The following GSTA5 variants were observed in gnomAD, a reference collection of about 807,000 sequenced individuals.
GSTA5 encodes the protein glutathione S-transferase A5.
A neutral mutation model predicts 21.8 loss-of-function variants in GSTA5; 25 were observed. That is an observed-to-expected ratio of 1.14 (90% CI 0.83 to 1.60). GSTA5 has a LOEUF of 1.60. Ranked by LOEUF, GSTA5 falls within the 40% of genes most tolerant of loss-of-function variation. The pLI, the probability that GSTA5 is intolerant of heterozygous loss-of-function variation, is 0.00. For missense variants in GSTA5, 330 were observed against 259.2 expected, an observed-to-expected ratio of 1.27 and a Z score of -1.88; for synonymous variants, 102 against 89.5, an observed-to-expected ratio of 1.14 and a Z score of -0.78.
At chr6:52,836,841 GTTC>G (rs749675345) in intron 2 of GSTA5, among the ~76,000 whole-genome samples, 1 of 152,172 alleles carries the variant, frequency 6.6e-6, no homozygotes, top group Non-Finnish European at 1.5e-5. Flanking sequence ...GTTTCCTGTA[GTTC>G]TTCTTTTTCT....
At chr6:52,842,133 A>G (rs1445391094), upstream of GSTA5, among the ~76,000 whole-genome samples, 1 of 152,214 alleles carries the variant, frequency 6.6e-6, no homozygotes, top group Non-Finnish European at 1.5e-5. Context: ...CCCTTGCTCT[A>G]TCCCAGGCTG....
chr6:52,844,250 C>T (rs1178554598), upstream of GSTA5, among the ~76,000 whole-genome samples: 1 of 152,178 alleles, frequency 6.6e-6, no homozygotes, highest in Admixed American at 6.5e-5. Flanking sequence ...CATAATCTGG[C>T]TCTCTGCTCC....
In GSTA5 at chr6:52,831,715, A is replaced by G; in HGVS notation, c.*133T>C. The stretch of plus-strand genomic sequence containing the variant: ...AGTTGACAGATAAGAGTTATTTATT[A>G]TTTAATTAGCATGTAATTGGAAAGA... On this transcript the variant is annotated 3_prime_UTR_variant, in exon 6 of 6. Transcript: ENST00000370989. 2.8e-6 allele frequency: 3 copies of G among 1,056,412 alleles called. No homozygotes were observed. In the Middle Eastern group the frequency reaches 6.3e-4, roughly 221 times the overall value. The allele number at this position is 1,056,412 out of a possible 1,614,324, so 65.4% of individuals were successfully genotyped here.
chr6:52,833,070 C>G, intron 4 of GSTA5, 80 bp from the exon 5 acceptor site: 1 of 1,538,818 alleles, frequency 6.5e-7, no homozygotes, highest in South Asian at 1.1e-5. Flanking sequence ...CCTCTCCACC[C>G]TGACTTTTCC....
intron 1 of GSTA5, among the ~76,000 whole-genome samples, chr6:52,839,637 C>G (rs1764344963): frequency 3.9e-5 from 6 of 152,204 alleles, no homozygotes; most frequent in Admixed American, 2.0e-4. Flanking sequence ...CCCTTTTCTG[C>G]TGCCACCCGA....
exon 6 of GSTA5, chr6:52,831,948 T>C: frequency 1.2e-6 from 2 of 1,613,494 alleles, no homozygotes; most frequent in South Asian, 1.1e-5. Flanking sequence ...CGTGGGCAGG[T>C]TGCTGATTCT....
the GSTA5 span, chr6:52,846,001 G>A: frequency 1.9e-5 from 3 of 155,720 alleles, no homozygotes; most frequent in Non-Finnish European, 2.9e-5. Context: ...ATATTTTTCT[G>A]GGAGGCTAGA....
At chr6:52,836,503 A>G in intron 2 of GSTA5, 135 bp from the exon 3 acceptor site, 1 of 909,398 alleles carries the variant, frequency 1.1e-6, no homozygotes. Flanking sequence ...TTCACTTGAA[A>G]CAACTTTTTT....
chr6:52,845,164 T>A (rs1481770042), upstream of GSTA5, among the ~76,000 whole-genome samples: 2 of 152,170 alleles, frequency 1.3e-5, no homozygotes, highest in Non-Finnish European at 2.9e-5. Flanking sequence ...CAGAGGTTAA[T>A]GATATTCACT....
At position 52,836,313 on chromosome 6, in the gene GSTA5, CA is replaced by C. The variant is rs761740266; in HGVS notation, c.194del (p.Leu65ArgfsTer22). ...AGTTAAGAATGGCTCTGGTCTGCAC[CA>C]GCTTCATCCCGTCAATCTCAACCAT... On this transcript the variant is annotated frameshift_variant, in exon 3 of 6. Coordinates refer to ENST00000370989, the Ensembl canonical transcript of GSTA5. LOFTEE classifies it high-confidence loss of function. The C allele has an allele frequency of 9.4e-5, 152 of 1,613,452 alleles. 1 individual carries two copies. Among genetic ancestry groups the C allele is most frequent in the South Asian group, 2.5e-4 (23 of 91,048 alleles).
chr6:52,837,508 G>C (rs1313986765), intron 2 of GSTA5, 50 bp downstream of exon 2: 5 of 1,233,256 alleles, frequency 4.1e-6, no homozygotes, highest in South Asian at 1.2e-5. Context: ...ACGTTCCTCT[G>C]TACCTTCTAC....
At chr6:52,839,192 G>A (rs1238739822) in intron 1 of GSTA5, among the ~76,000 whole-genome samples, 1 of 152,166 alleles carries the variant, frequency 6.6e-6, no homozygotes, top group Non-Finnish European at 1.5e-5. Flanking sequence ...TGTGAGGACT[G>A]GGTTGTGATC....
chr6:52,831,726 A>G, exon 6 of GSTA5: 1 of 1,131,202 alleles, frequency 8.8e-7, no homozygotes, highest in Non-Finnish European at 1.3e-6. Flanking sequence ...TTTAATTAGC[A>G]TGTAATTGGA....
chr6:52,843,104 G>A (rs887780234), upstream of GSTA5, among the ~76,000 whole-genome samples: 3 of 152,150 alleles, frequency 2.0e-5, no homozygotes, highest in Non-Finnish European at 4.4e-5. Context: ...TGGCAGCATA[G>A]TATTCCATGG....
In GSTA5 at chr6:52,836,305, G is replaced by T. The variant is rs771818589; in HGVS notation, c.203C>A (p.Thr68Asn). 119 of 1,613,426 alleles carry T rather than the reference G, an allele frequency of 7.4e-5. No homozygotes were observed. The highest frequency in any genetic ancestry group is 1.2e-5 in the Non-Finnish European group (14 of 1,179,636). ...GGCAATGTAGTTAAGAATGGCTCTGGTCTGCACCAGCTTCATCCCGTCAAT... is the reference window on the plus strand; with the variant it reads ...GGCAATGTAGTTAAGAATGGCTCTGTTCTGCACCAGCTTCATCCCGTCAAT... Residue 68 changes from threonine to asparagine, a missense_variant, in exon 3 of 6, where the codon ACC becomes AAC. Thr to Asn is a moderately conservative substitution (Grantham distance 65). Coordinates refer to ENST00000370989, the Ensembl canonical transcript of GSTA5.
At chr6:52,837,272 C>T (rs1179003887) in intron 2 of GSTA5, among the ~76,000 whole-genome samples, 1 of 152,136 alleles carries the variant, frequency 6.6e-6, no homozygotes, top group African/African-American at 2.4e-5. Flanking sequence ...GTGCTGATAA[C>T]CACAGCTCAC....
chr6:52,839,705 T>C (rs1189250915), intron 1 of GSTA5, among the ~76,000 whole-genome samples: 1 of 152,268 alleles, frequency 6.6e-6, no homozygotes, highest in African/African-American at 2.4e-5. Flanking sequence ...CCTCAGGCAG[T>C]CGCTGAAGGA....
At chr6:52,845,090 A>C (rs182224466), upstream of GSTA5, among the ~76,000 whole-genome samples, 1 of 152,262 alleles carries the variant, frequency 6.6e-6, no homozygotes, top group Admixed American at 6.5e-5. Flanking sequence ...ATGAATCCAG[A>C]CATATCAAAT....
At chr6:52,836,174 C>A (rs1009281545) in intron 3 of GSTA5, 62 bp downstream of exon 3, 1 of 1,587,824 alleles carries the variant, frequency 6.3e-7, no homozygotes, top group African/African-American at 1.3e-5. Flanking sequence ...CCCACCCACT[C>A]AAAGAAGGAC....
Sources: gnomAD v4.1 joint callset for allele counts (sites outside exome capture counted in the v4.1 genomes callset) on GRCh38, gnomAD v4.1.1 for gene constraint, MANE v1.5 for transcripts, NCBI Gene and HGNC (gene_info 2026-07-23, HGNC 2026-07-21) for gene names.